The following ATRNL1 variants were observed in gnomAD, a reference collection of about 807,000 sequenced individuals.
ATRNL1 encodes attractin-like protein 1.
Under a neutral mutation model 182.7 loss-of-function variants are expected in ATRNL1, and 95 were observed. The ratio of observed to expected loss-of-function variants is 0.52; its 90% CI spans 0.44 to 0.62. The LOEUF is 0.62. Among genes scored for constraint, ATRNL1 ranks in the 20% least tolerant of loss-of-function variants. The pLI, the probability that ATRNL1 is intolerant of heterozygous loss-of-function variation, is 0.00. For synonymous variants in ATRNL1, 576 were observed against 568.3 expected (o/e 1.01, Z -0.19); for missense variants, 1,471 against 1,679.5 (o/e 0.88, Z 2.17).
At chr10:115,234,329 T>G (rs896233132) in intron 9 of ATRNL1, among the ~76,000 whole-genome samples, 7 of 152,046 alleles carry the variant, frequency 4.6e-5, no homozygotes, top group Admixed American at 3.3e-4. Context: ...CCCTTTTAAT[T>G]ATTTTTAATA....
chr10:115,147,689 A>G (rs1554879708), intron 5 of ATRNL1, among the ~76,000 whole-genome samples: 1 of 152,034 alleles, frequency 6.6e-6, no homozygotes, highest in Non-Finnish European at 1.5e-5. Context: ...TCCACATGTG[A>G]ATATCCAGTA....
intron 5 of ATRNL1, among the ~76,000 whole-genome samples, chr10:115,150,618 A>G (rs1228239545): frequency 6.6e-6 from 1 of 151,762 alleles, no homozygotes; most frequent in African/African-American, 2.4e-5. Flanking sequence ...ATGTTTTTAA[A>G]TTTGCATGTA....
chr10:115,442,319 GTGTAAACAATCAGGAACTTTTTCAC>G (rs1846738825), intron 21 of ATRNL1, among the ~76,000 whole-genome samples: 2 of 108,092 alleles, frequency 1.9e-5, no homozygotes, highest in Admixed American at 9.3e-5. Context: ...GTATGTGTGT[GTGTAAACAATCAGGAACTTTTTCAC>G]TGTAAACAAT....
intron 9 of ATRNL1, among the ~76,000 whole-genome samples, chr10:115,225,302 A>G (rs1554898399): frequency 6.6e-6 from 1 of 151,714 alleles, no homozygotes; most frequent in Non-Finnish European, 1.5e-5. Context: ...TAGGAATGGA[A>G]GCAAATCATT....
intron 9 of ATRNL1, among the ~76,000 whole-genome samples, chr10:115,229,210 G>T (rs1849824564): frequency 6.6e-6 from 1 of 152,028 alleles, no homozygotes. Context: ...GCCACACCTG[G>T]TTACATGAAA....
intron 3 of ATRNL1, among the ~76,000 whole-genome samples, chr10:115,127,305 T>G (rs1248796863): frequency 6.6e-6 from 1 of 152,050 alleles, no homozygotes; most frequent in East Asian, 1.9e-4. Flanking sequence ...TATGACAGGA[T>G]GGATAGCAGG....
intron 24 of ATRNL1, among the ~76,000 whole-genome samples, chr10:115,494,149 T>C (rs113692225): frequency 2.6e-5 from 4 of 152,318 alleles, no homozygotes; most frequent in Non-Finnish European, 5.9e-5. Context: ...TTTTTGTTTT[T>C]GTTGCAATTG....
intron 25 of ATRNL1, among the ~76,000 whole-genome samples, chr10:115,530,438 G>T (rs1554987909): frequency 6.6e-6 from 1 of 151,994 alleles, no homozygotes; most frequent in Non-Finnish European, 1.5e-5. Flanking sequence ...GGTAAGAGAT[G>T]ATGCATATTT....
chr10:115,415,587 T>C (rs1235600688), intron 20 of ATRNL1, among the ~76,000 whole-genome samples: 2 of 151,934 alleles, frequency 1.3e-5, no homozygotes, highest in African/African-American at 4.8e-5. Context: ...TTATTCATGG[T>C]TAGGAAGCCT....
At position 115,847,980 on chromosome 10, in the gene ATRNL1, C is replaced by A; in HGVS notation, c.4007C>A (p.Pro1336His). ...LPRGSSGAPPPGQSGLAIASA... is the reference protein window; with the variant it reads ...LPRGSSGAPPHGQSGLAIASA... The stretch of plus-strand genomic sequence containing the variant: ...CGAGGATCATCAGGTGCCCCTCCCC[C>A]TGGGCAGTCAGGTATGATAAATGAG... Residue 1336 changes from proline to histidine, a missense_variant, in exon 28 of 29, where the codon CCT becomes CAT. This residue lies in a region of ATRNL1 where 437 missense variants were observed against 506.0 expected (regional missense o/e 0.86). Transcript: ENST00000355044. The A allele has an allele frequency of 6.3e-7, 1 of 1,598,536 alleles. No individual in the cohort carries two copies. Among genetic ancestry groups the A allele is most frequent in the Non-Finnish European group, 8.6e-7 (1 of 1,166,386 alleles).
intron 21 of ATRNL1, among the ~76,000 whole-genome samples, chr10:115,431,444 A>C (rs1846160762): frequency 6.6e-6 from 1 of 151,538 alleles, no homozygotes; most frequent in Admixed American, 6.6e-5. Flanking sequence ...TAATATTCCA[A>C]TTTCTTCTTC....
chr10:115,598,916 G>T (rs1856434006), intron 26 of ATRNL1, among the ~76,000 whole-genome samples: 1 of 111,710 alleles, frequency 9.0e-6, no homozygotes, highest in Admixed American at 8.1e-5. Flanking sequence ...GCACGTAGTT[G>T]TGAATATTTT....
At chr10:115,115,344 A>G (rs557762697) in intron 1 of ATRNL1, among the ~76,000 whole-genome samples, 1 of 152,110 alleles carries the variant, frequency 6.6e-6, no homozygotes, top group Non-Finnish European at 1.5e-5. Context: ...GAAGTGACTA[A>G]TGTTACTAAT....
chr10:115,389,580 A>ATATACATATATATATATATG lies in ATRNL1; in HGVS notation c.3176-5075_3176-5074insCATATATATATATATGTATA, dbSNP rs1564990277. Among the ~76,000 whole-genome samples the ATATACATATATATATATATG allele has an allele frequency of 3.8e-4, 41 of 108,996 alleles. 2 individuals carry two copies. Among genetic ancestry groups the ATATACATATATATATATATG allele is most frequent in the African/African-American group, 1.4e-3 (40 of 28,902 alleles). The allele number at this position is 108,996 out of a possible 152,430, so 71.5% of individuals were successfully genotyped here. On this transcript the variant is annotated intron_variant, in intron 19 of 28. Transcript: ENST00000355044. ...TATATATATATATATATATATATAT[A>ATATACATATATATATATATG]TATATATATATTTCATCCAATGATG... is the stretch of plus-strand genomic sequence containing the variant.
chr10:115,613,277 G>A (rs1857257431), intron 26 of ATRNL1, among the ~76,000 whole-genome samples: 1 of 152,148 alleles, frequency 6.6e-6, no homozygotes, highest in African/African-American at 2.4e-5. Context: ...GCCTATGTCT[G>A]TTGAGATTAT....
At chr10:115,778,088 C>T (rs1178614743) in intron 27 of ATRNL1, among the ~76,000 whole-genome samples, 1 of 152,070 alleles carries the variant, frequency 6.6e-6, no homozygotes, top group Non-Finnish European at 1.5e-5. Context: ...AGAATAAAAA[C>T]AGAACTTTTA....
intron 13 of ATRNL1, among the ~76,000 whole-genome samples, chr10:115,277,119 A>G (rs1243112724): frequency 3.3e-5 from 5 of 151,858 alleles, no homozygotes; most frequent in Admixed American, 3.3e-4. Flanking sequence ...GATTATATAG[A>G]ATAATGCTAA....
intron 26 of ATRNL1, among the ~76,000 whole-genome samples, chr10:115,694,940 C>T (rs1027445000): frequency 1.2e-3 from 127 of 109,308 alleles, no homozygotes; most frequent in African/African-American, 4.7e-3. Context: ...CATGCACACA[C>T]GCACACACAC....
intron 20 of ATRNL1, among the ~76,000 whole-genome samples, chr10:115,397,289 A>G (rs557748826): frequency 6.6e-6 from 1 of 151,916 alleles, no homozygotes; most frequent in East Asian, 1.9e-4. Flanking sequence ...CAGTATACCA[A>G]TTTCTTACAT....
Sources: allele counts gnomAD v4.1 joint callset (sites outside exome capture counted in the v4.1 genomes callset), GRCh38; gene constraint gnomAD v4.1.1; regional missense constraint gnomAD v4.1.1; transcripts MANE v1.5; gene names NCBI Gene and HGNC (gene_info 2026-07-23, HGNC 2026-07-21).